The following CACNA1A variants were observed in gnomAD, a reference collection of about 807,000 sequenced individuals.
CACNA1A encodes voltage-dependent P/Q-type calcium channel subunit alpha-1A.
In CACNA1A, 57 loss-of-function variants were observed where a neutral mutation model predicts 262.4. That is an observed-to-expected ratio of 0.22 (90% confidence interval 0.18 to 0.27). The LOEUF (loss-of-function observed/expected upper bound fraction) is 0.27. Among genes scored for constraint, CACNA1A ranks in the 10% least tolerant of loss-of-function variants. The probability of loss-of-function intolerance (pLI) is 1.00; values close to 1 mark genes in which losing one functional copy is unlikely to be tolerated. For missense variants in CACNA1A, 2,526 were observed against 3,562.8 expected (o/e 0.71, Z 7.41); for synonymous variants, 1,431 against 1,419.3 (o/e 1.01, Z -0.18).
At chr19:13,219,949 C>CAAAAA (rs751435539) in intron 38 of CACNA1A, among the ~76,000 whole-genome samples, 1 of 34,708 alleles carries the variant, frequency 2.9e-5, no homozygotes, top group African/African-American at 1.3e-4. Context: ...GACTCCGTTT[C>CAAAAA]AAAAAAAAAA....
chr19:13,455,456 A>G (rs1479653312), intron 1 of CACNA1A, among the ~76,000 whole-genome samples: 2 of 152,176 alleles, frequency 1.3e-5, no homozygotes, highest in Admixed American at 1.3e-4. Flanking sequence ...TTCACTGAAC[A>G]CATATTCATT....
chr19:13,340,076 C>G (rs541202016), intron 6 of CACNA1A, among the ~76,000 whole-genome samples: 24 of 152,170 alleles, frequency 1.6e-4, no homozygotes, highest in African/African-American at 5.1e-4. Context: ...CTGCACCGGC[C>G]GCCAGTAGGG....
chr19:13,357,445 A>G (rs1028441602), intron 6 of CACNA1A, among the ~76,000 whole-genome samples: 3 of 152,138 alleles, frequency 2.0e-5, no homozygotes, highest in East Asian at 3.9e-4. Context: ...TTCAATGGTA[A>G]TTTCAGCCCT....
intron 3 of CACNA1A, among the ~76,000 whole-genome samples, chr19:13,397,782 A>G (rs1385216853): frequency 6.6e-6 from 1 of 152,164 alleles, no homozygotes; most frequent in African/African-American, 2.4e-5. Flanking sequence ...CATATGGACT[A>G]CTTCTGGGTC....
chr19:13,348,354 G>A (rs1396914325), intron 6 of CACNA1A, among the ~76,000 whole-genome samples: 1 of 152,182 alleles, frequency 6.6e-6, no homozygotes, highest in African/African-American at 2.4e-5. Flanking sequence ...GGAGAAGGGA[G>A]AGAAGGAGAA....
At chr19:13,208,196 GGAGGAGA>G (rs2054647103) in intron 46 of CACNA1A, 143 bp from the exon 47 acceptor site, 2 of 199,410 alleles carry the variant, frequency 1.0e-5, no homozygotes, top group African/African-American at 5.9e-5. Flanking sequence ...AGGAGGAGGA[GGAGGAGA>G]GGGGGGACAC....
At chr19:13,360,685 C>T (rs1369566288) in intron 5 of CACNA1A, among the ~76,000 whole-genome samples, 1 of 152,008 alleles carries the variant, frequency 6.6e-6, no homozygotes, top group Non-Finnish European at 1.5e-5. Context: ...ACCATGTTGG[C>T]CAGGCTGGTC....
intron 45 of CACNA1A, 37 bp downstream of exon 45, chr19:13,209,275 T>C: frequency 7.6e-6 from 11 of 1,438,048 alleles, no homozygotes; most frequent in Non-Finnish European, 1.0e-5. Flanking sequence ...TCCTCTCCTC[T>C]GTTCTGCTTG....
In CACNA1A at chr19:13,208,909, C is replaced by G. The variant is rs768006317; in HGVS notation, c.6627G>C (p.Gln2209His). The change falls in exon 46 of 47, where the codon CAG (glutamine) becomes CAC (histidine). Residue 2209 changes from glutamine (Q) to histidine (H), a missense_variant. By Grantham distance (24) the Gln-to-His change is conservative. This residue lies in a region of CACNA1A where 929 missense variants were observed against 868.1 expected (regional missense o/e 1.07). Transcript: ENST00000360228. ...GGTGGTGGTGGTGGTGGTGGTGGTG[C>G]TGTCGATGCTTCCGATCCTTGGGCC... Reference protein sequence around the residue: ...RGRPKDRKHRQHHHHHHHHHH... With the variant: ...RGRPKDRKHRHHHHHHHHHHH... 1 of 1,536,372 alleles carries G rather than the reference C, an allele frequency of 6.5e-7. No homozygotes were observed. The highest frequency in any genetic ancestry group is 8.7e-7 in the Non-Finnish European group (1 of 1,146,674).
In CACNA1A at chr19:13,294,487, C is replaced by CTTTTTTTTTTTTTTT. The variant is rs780908964; in HGVS notation, c.3089+4042_3089+4056dup. On this transcript the variant is annotated intron_variant, in intron 19 of 46. Coordinates refer to ENST00000360228, the MANE Select transcript of CACNA1A (RefSeq NM_001127222.2). Reference sequence around the variant, plus strand: ...TACAGGTGCATACCACTGTACCTGGCTTTTTTTTTTTTTTTTTTTTTTTGA... The same window carrying CTTTTTTTTTTTTTTT: ...TACAGGTGCATACCACTGTACCTGGCTTTTTTTTTTTTTTTTTTTTTTTTTTTTTTTTTTTTTTGA... Among the ~76,000 whole-genome samples, 82 of 72,524 alleles carry CTTTTTTTTTTTTTTT rather than the reference C, an allele frequency of 1.1e-3. 12 individuals carry two copies. The highest frequency in any genetic ancestry group is 4.8e-3 in the African/African-American group (73 of 15,308). 47.6% of individuals were successfully genotyped at this position (72,524 alleles called of 152,430 possible).
chr19:13,400,653 A>G (rs2059884744), intron 3 of CACNA1A, among the ~76,000 whole-genome samples: 1 of 152,208 alleles, frequency 6.6e-6, no homozygotes, highest in Non-Finnish European at 1.5e-5. Context: ...TTCACCTCCC[A>G]GGGGACATTT....
rs762077798 is a variant in CACNA1A, at chr19:13,365,481, CAG to C, written c.632-14_632-13del. 1.2e-6 allele frequency: 2 copies of C among 1,612,502 alleles called. No individual in the cohort carries two copies. The highest frequency in any genetic ancestry group is 1.3e-5 in the African/African-American group (1 of 74,858). ...GACGACTTGTAAACCTGGGGGGACA[CAG>C]AGAGAGGCCCCATAAGCCCATGAGC... On this transcript the variant is annotated splice_polypyrimidine_tract_variant and intron_variant, in intron 4 of 46. Transcript: ENST00000360228.
Position 13,212,751 on chromosome 19 carries a change from G to A in CACNA1A, c.5941-11C>T. 1.4e-6 allele frequency: 2 copies of A among 1,460,010 alleles called. No homozygotes were observed. The highest frequency in any genetic ancestry group is 9.2e-7 in the Non-Finnish European group (1 of 1,092,130). The allele number at this position is 1,460,010 out of a possible 1,614,324, so 90.4% of individuals were successfully genotyped here. A position where few individuals can be genotyped will look rare whatever the true frequency, so the allele number is the denominator to read the frequency against. On this transcript the variant is annotated splice_polypyrimidine_tract_variant and intron_variant, in intron 40 of 46. Transcript: ENST00000360228. The surrounding 1 kb of genome is among the most constrained non-coding windows in gnomAD (Gnocchi z 5.6). ...GAGGGGTGTCCGGTCCTGGGGAATG[G>A]GGCAGAGAGCAGTGTGTGGACAAGG...
At chr19:13,218,582 ATTTG>A (rs945081299) in intron 38 of CACNA1A, among the ~76,000 whole-genome samples, 9 of 151,270 alleles carry the variant, frequency 5.9e-5, no homozygotes, top group Admixed American at 2.6e-4. Context: ...TGTTTTTGGA[ATTTG>A]TTTGTTTGTT....
At chr19:13,345,440 T>C (rs1438308628) in intron 6 of CACNA1A, among the ~76,000 whole-genome samples, 5 of 152,204 alleles carry the variant, frequency 3.3e-5, no homozygotes, top group Non-Finnish European at 7.3e-5. Context: ...GGGATGTTAC[T>C]GATTCATCCC....
intron 1 of CACNA1A, among the ~76,000 whole-genome samples, chr19:13,492,989 A>G (rs1981077934): frequency 6.6e-6 from 1 of 152,174 alleles, no homozygotes; most frequent in Admixed American, 6.5e-5. Context: ...ATGCCAGGAG[A>G]CCAAAGAAAG....
chr19:13,252,982 G>C lies in CACNA1A; in HGVS notation c.4866+9C>G, dbSNP rs1207630372. ...AAGCCCATAGCTGTAGCCCCAAGGT[G>C]GTACTTACCAGAATCCCAAAAGCCA... On this transcript the variant is annotated intron_variant, in intron 30 of 46. Coordinates refer to ENST00000360228, the MANE Select transcript of CACNA1A (RefSeq NM_001127222.2). 1 of 1,564,460 alleles carries C rather than the reference G, an allele frequency of 6.4e-7. No individual in the cohort carries two copies. The highest frequency in any genetic ancestry group is 8.8e-7 in the Non-Finnish European group (1 of 1,135,038).
In CACNA1A at chr19:13,298,714, C is replaced by T. The variant is rs1229290225; in HGVS notation, c.2919G>A (p.Ala973=). 6 of 1,476,430 alleles carry T rather than the reference C, an allele frequency of 4.1e-6. No homozygotes were observed. The highest frequency in any genetic ancestry group is 5.4e-6 in the Non-Finnish European group (6 of 1,117,462). The allele number at this position is 1,476,430 out of a possible 1,614,324, so 91.5% of individuals were successfully genotyped here. The change falls in exon 19 of 47, where the codon GCG becomes GCA. Residue 973 remains alanine, a synonymous_variant. Coordinates refer to ENST00000360228, the MANE Select transcript of CACNA1A (RefSeq NM_001127222.2). ...RPGEEGPEDK[A]ERRARHREGS... ...CCTCGCGGTGCCGCGCCCTCCGCTC[C>T]GCCTTGTCCTCCGGACCCTCCTCCC...
chr19:13,371,862 C>T (rs1181617959), intron 3 of CACNA1A, 83 bp from the exon 4 acceptor site: 1 of 1,010,324 alleles, frequency 9.9e-7, no homozygotes, highest in South Asian at 1.4e-5. Flanking sequence ...GGATTCCAAG[C>T]TGTCCTGTAT....
Sources: gnomAD v4.1 joint callset for allele counts (sites outside exome capture counted in the v4.1 genomes callset) on GRCh38, gnomAD v4.1.1 for gene constraint, gnomAD v4.1.1 regional missense constraint, Gnocchi (gnomAD v3.1) non-coding constraint, MANE v1.5 for transcripts, NCBI Gene and HGNC (gene_info 2026-07-23, HGNC 2026-07-21) for gene names.